Variants in NCOA3 observed in about 807,000 individuals in gnomAD.
NCOA3 encodes the protein nuclear receptor coactivator 3, also known as CBP-interacting protein.
NCOA3 carries 51 observed loss-of-function variants against 158.8 expected under a neutral mutation model. The observed-to-expected ratio is 0.32, with a 90% CI of 0.26 to 0.41. The LOEUF is 0.41. Among genes scored for constraint, NCOA3 ranks in the 10% least tolerant of loss-of-function variants. The probability of loss-of-function intolerance (pLI) is 1.00; values close to 1 mark genes in which losing one functional copy is unlikely to be tolerated. For missense variants in NCOA3, 1,510 were observed against 1,746.6 expected, an observed-to-expected ratio of 0.86 and a Z score of 2.41; for synonymous variants, 537 against 592.4, an observed-to-expected ratio of 0.91 and a Z score of 1.36.
At chr20:47,526,272 C>G (rs2084446975) in intron 1 of NCOA3, among the ~76,000 whole-genome samples, 1 of 151,488 alleles carries the variant, frequency 6.6e-6, no homozygotes, top group Non-Finnish European at 1.5e-5. Context: ...TCCTCACTTT[C>G]CAGACTGGGC....
chr20:47,561,931 G>A (rs1045079368), intron 1 of NCOA3, among the ~76,000 whole-genome samples: 8 of 151,370 alleles, frequency 5.3e-5, no homozygotes, highest in East Asian at 1.9e-4. Context: ...CTCCTTCCCC[G>A]TAATCTCAGG....
intron 18 of NCOA3, among the ~76,000 whole-genome samples, chr20:47,648,546 C>A (rs2086729104): frequency 6.6e-6 from 1 of 151,968 alleles, no homozygotes; most frequent in Admixed American, 6.6e-5. Flanking sequence ...AGTCACAGCC[C>A]ACTGCAGCCT....
chr20:47,543,725 G>T (rs1404787846), intron 1 of NCOA3, among the ~76,000 whole-genome samples: 1 of 152,072 alleles, frequency 6.6e-6, no homozygotes, highest in Non-Finnish European at 1.5e-5. Context: ...GGCCAGGCTG[G>T]TCTCGAATTC....
In NCOA3 at chr20:47,636,615, C is replaced by T. The variant is rs188426084; in HGVS notation, c.2229C>T (p.Asp743=). ...ENNALLRYLL[D]RDDPSDALSK... ...ATGCACTTCTTAGATACCTGCTGGA[C>T]AGGGATGATCCTAGTGATGCACTCT... Residue 743 remains aspartate, a synonymous_variant, in exon 12 of 23, where the codon GAC becomes GAT. Coordinates refer to ENST00000371998, the MANE Select transcript of NCOA3 (RefSeq NM_181659.3). The T allele has an allele frequency of 1.2e-6, 2 of 1,614,178 alleles. No individual in the cohort carries two copies. Among genetic ancestry groups the T allele is most frequent in the Admixed American group, 1.7e-5 (1 of 60,018 alleles).
At chr20:47,520,291 G>C (rs972761152) in intron 1 of NCOA3, among the ~76,000 whole-genome samples, 1 of 151,596 alleles carries the variant, frequency 6.6e-6, no homozygotes, top group Non-Finnish European at 1.5e-5. Context: ...CTCTGACTCT[G>C]TCTCTCTCTT....
intron 1 of NCOA3, among the ~76,000 whole-genome samples, chr20:47,576,192 G>A (rs141688995): frequency 3.3e-5 from 5 of 152,284 alleles, no homozygotes; most frequent in Non-Finnish European, 7.4e-5. Context: ...GAAAAGGATA[G>A]AGGAACATTA....
chr20:47,566,577 T>A (rs998177408), intron 1 of NCOA3, among the ~76,000 whole-genome samples: 4 of 152,076 alleles, frequency 2.6e-5, no homozygotes, highest in African/African-American at 9.7e-5. Flanking sequence ...AGTGGTGCCA[T>A]TTCAGCTCAC....
Position 47,650,622 on chromosome 20 carries a change from G to A in NCOA3, c.3652-360G>A, listed in dbSNP as rs1434896361. On this transcript the variant is annotated intron_variant, in intron 19 of 22. Transcript: ENST00000371998. ...CTCACACCTGTAATTTAAGCACTTC[G>A]GGAGGCCGAGGTGGGCGGATCACCT... Among the ~76,000 whole-genome samples the A allele has an allele frequency of 7.2e-5, 11 of 151,954 alleles. No individual in the cohort carries two copies. In the East Asian group the frequency reaches 2.2e-3, roughly 30 times the overall value.
chr20:47,587,703 T>C (rs952539298), intron 2 of NCOA3, among the ~76,000 whole-genome samples: 5 of 152,226 alleles, frequency 3.3e-5, no homozygotes, highest in Admixed American at 1.3e-4. Context: ...GTATTGTTTT[T>C]TTAAATTTAT....
intron 1 of NCOA3, among the ~76,000 whole-genome samples, chr20:47,507,809 C>T (rs931886074): frequency 6.6e-6 from 1 of 152,026 alleles, no homozygotes; most frequent in Non-Finnish European, 1.5e-5. Flanking sequence ...GTAGAGATGG[C>T]GGTTTCTCCA....
At chr20:47,613,997 A>C (rs2086090113) in intron 2 of NCOA3, among the ~76,000 whole-genome samples, 1 of 152,168 alleles carries the variant, frequency 6.6e-6, no homozygotes, top group African/African-American at 2.4e-5. Flanking sequence ...CATTGAAAGA[A>C]ACAAAGGTAG....
intron 2 of NCOA3, among the ~76,000 whole-genome samples, chr20:47,588,217 C>A (rs1004034785): frequency 4.2e-5 from 6 of 143,962 alleles, no homozygotes; most frequent in Non-Finnish European, 9.0e-5. Flanking sequence ...TCACTGCAAC[C>A]TCTGCCTTCT....
At chr20:47,579,358 G>A (rs1367391335) in intron 1 of NCOA3, among the ~76,000 whole-genome samples, 1 of 152,168 alleles carries the variant, frequency 6.6e-6, no homozygotes, top group African/African-American at 2.4e-5. Flanking sequence ...CTTCTCAGAT[G>A]TCTAATGTTT....
At chr20:47,538,207 G>A (rs2084666058) in intron 1 of NCOA3, among the ~76,000 whole-genome samples, 4 of 152,084 alleles carry the variant, frequency 2.6e-5, no homozygotes. Flanking sequence ...CTAACTTTGG[G>A]GGAAAAAAAC....
chr20:47,648,248 A>G (rs755128472), intron 18 of NCOA3, among the ~76,000 whole-genome samples: 4 of 152,056 alleles, frequency 2.6e-5, no homozygotes, highest in Non-Finnish European at 4.4e-5. Flanking sequence ...ACTCCATTGC[A>G]TAAATATTGT....
At chr20:47,545,059 A>T (rs2084805454) in intron 1 of NCOA3, among the ~76,000 whole-genome samples, 1 of 150,610 alleles carries the variant, frequency 6.6e-6, no homozygotes, top group Admixed American at 6.6e-5. Flanking sequence ...GAAATATGTC[A>T]TTCCACTGTC....
chr20:47,586,736 C>CT (rs2085542042), intron 2 of NCOA3, among the ~76,000 whole-genome samples: 1 of 152,164 alleles, frequency 6.6e-6, no homozygotes, highest in Non-Finnish European at 1.5e-5. Context: ...CAACCCTTCC[C>CT]TAACCCCTTT....
intron 1 of NCOA3, among the ~76,000 whole-genome samples, chr20:47,511,676 G>A (rs1376896156): frequency 6.7e-6 from 1 of 150,322 alleles, no homozygotes; most frequent in Non-Finnish European, 1.5e-5. Context: ...TCAGCCACCC[G>A]AGTAGCTGGG....
chr20:47,603,305 C>T (rs1034101377), intron 2 of NCOA3, among the ~76,000 whole-genome samples: 6 of 152,358 alleles, frequency 3.9e-5, no homozygotes, highest in African/African-American at 7.2e-5. Flanking sequence ...CCTCACAGGA[C>T]GTGCGACAGG....
Sources: gnomAD v4.1 joint callset for allele counts (sites outside exome capture counted in the v4.1 genomes callset) on GRCh38, gnomAD v4.1.1 for gene constraint, MANE v1.5 for transcripts, NCBI Gene and HGNC (gene_info 2026-07-23, HGNC 2026-07-21) for gene names.